SKAP2: variants seen among roughly 807,000 people sequenced by gnomAD.
SKAP2 encodes src kinase associated phosphoprotein 2, also known as src kinase-associated phosphoprotein 2.
SKAP2 carries 28 observed loss-of-function variants against 54.9 expected under a neutral mutation model. The ratio of observed to expected loss-of-function variants is 0.51; its 90% confidence interval spans 0.38 to 0.70. The LOEUF is 0.70. Ranked by LOEUF, SKAP2 falls within the 30% of genes least tolerant of loss-of-function variation. SKAP2 has a pLI of 0.00. For synonymous variants in SKAP2, 137 were observed against 134.3 expected, an observed-to-expected ratio of 1.02 and a Z score of -0.14; for missense variants, 356 against 424.1, an observed-to-expected ratio of 0.84 and a Z score of 1.41.
chr7:26,736,687 G>T (rs890589732), intron 6 of SKAP2, among the ~76,000 whole-genome samples: 9 of 152,038 alleles, frequency 5.9e-5, no homozygotes, highest in African/African-American at 1.9e-4. Context: ...CCTCTCCTGG[G>T]GTCTGGATCA....
At chr7:26,698,916 CTT>C (rs964890306) in intron 9 of SKAP2, among the ~76,000 whole-genome samples, 8 of 152,142 alleles carry the variant, frequency 5.3e-5, no homozygotes, top group African/African-American at 1.7e-4. Context: ...TATTTAAAGA[CTT>C]TTCCAATGAG....
At chr7:26,829,084 T>C (rs1784552195) in intron 4 of SKAP2, among the ~76,000 whole-genome samples, 1 of 152,018 alleles carries the variant, frequency 6.6e-6, no homozygotes, top group Non-Finnish European at 1.5e-5. Flanking sequence ...TAAATTAAAC[T>C]TCGTCAAAAT....
At chr7:26,723,142 TGAAAGA>T (rs1260038015) in intron 9 of SKAP2, among the ~76,000 whole-genome samples, 1 of 152,214 alleles carries the variant, frequency 6.6e-6, no homozygotes, top group Admixed American at 6.5e-5. Flanking sequence ...ATTCTTGTCC[TGAAAGA>T]GAGACAATTG....
chr7:26,658,029 T>C, the SKAP2 span, among the ~76,000 whole-genome samples: 1 of 152,128 alleles, frequency 6.6e-6, no homozygotes, highest in South Asian at 2.1e-4. Flanking sequence ...AAACGGGTAA[T>C]TGTGCTACTG....
At chr7:26,805,171 A>G (rs1280849031) in intron 4 of SKAP2, among the ~76,000 whole-genome samples, 1 of 152,236 alleles carries the variant, frequency 6.6e-6, no homozygotes, top group Non-Finnish European at 1.5e-5. Flanking sequence ...CCTGGGCAAC[A>G]TAGTGACACC....
chr7:26,783,416 C>G (rs1783468774), intron 4 of SKAP2, among the ~76,000 whole-genome samples: 1 of 152,064 alleles, frequency 6.6e-6, no homozygotes, highest in Non-Finnish European at 1.5e-5. Context: ...CTCTGATTAT[C>G]TCTGAACTCT....
At position 26,804,170 on chromosome 7, in the gene SKAP2, G is replaced by A. The variant is rs189065716; in HGVS notation, c.307+39860C>T. Among the ~76,000 whole-genome samples, 474 of 152,220 alleles carry A rather than the reference G, an allele frequency of 3.1e-3. 5 individuals carry two copies. Among genetic ancestry groups the A allele is most frequent in the African/African-American group, 0.011 (438 of 41,534 alleles). On this transcript the variant is annotated intron_variant, in intron 4 of 12. Coordinates refer to ENST00000345317, the MANE Select transcript of SKAP2 (RefSeq NM_003930.5). ...ATGCTTGAGGGGATGGATGGCCCATGCTCCATGATGTGCCTATGTCACACT... is the reference window on the plus strand; with the variant it reads ...ATGCTTGAGGGGATGGATGGCCCATACTCCATGATGTGCCTATGTCACACT...
At chr7:26,778,423 C>G (rs1295524672) in intron 4 of SKAP2, among the ~76,000 whole-genome samples, 2 of 151,988 alleles carry the variant, frequency 1.3e-5, no homozygotes, top group African/African-American at 2.4e-5. Context: ...TACTATGATT[C>G]CGCTAACAAT....
chr7:26,690,272 C>A lies in SKAP2; in HGVS notation c.874+13G>T. On this transcript the variant is annotated intron_variant, in intron 10 of 12. Transcript: ENST00000345317. ...CAAAATAAGGTTTGCCAAGAAGCTACACAAGTCATTACCTGAGGTGTGATG... is the reference window on the plus strand; with the variant it reads ...CAAAATAAGGTTTGCCAAGAAGCTAAACAAGTCATTACCTGAGGTGTGATG... 3 of 1,574,120 alleles carry A rather than the reference C, an allele frequency of 1.9e-6. No individual in the cohort carries two copies. The highest frequency in any genetic ancestry group is 2.6e-6 in the Non-Finnish European group (3 of 1,144,124).
At chr7:26,719,153 C>A (rs1787525206) in intron 9 of SKAP2, among the ~76,000 whole-genome samples, 1 of 151,820 alleles carries the variant, frequency 6.6e-6, no homozygotes, top group African/African-American at 2.4e-5. Context: ...CCAGCCTGGG[C>A]AACAGAGCAA....
At chr7:26,864,325 C>A in intron 1 of SKAP2, 38 bp downstream of exon 1, 2 of 1,613,040 alleles carry the variant, frequency 1.2e-6, no homozygotes, top group Non-Finnish European at 1.7e-6. Context: ...CCCTCGCCCC[C>A]GCCCCGACAG....
intron 9 of SKAP2, among the ~76,000 whole-genome samples, chr7:26,716,543 G>A (rs6951065): frequency 0.82 from 124,217 of 152,182 alleles, 51,301 homozygotes; most frequent in African/African-American, 0.95. Context: ...TTTTAAAAAT[G>A]TCTAATGCAA....
In SKAP2 at chr7:26,668,505, C is replaced by G. The variant is rs984578801; in HGVS notation, c.*1161G>C. ...GCTACCACTGGGATTTCTACACTCT[C>G]CTCTGCAAACCCTTCCTTTCTTTTC... On this transcript the variant is annotated 3_prime_UTR_variant, in exon 13 of 13. Transcript: ENST00000345317. 1.1e-4 allele frequency: 17 copies of G among 152,170 alleles called. No individual in the cohort carries two copies. The highest frequency in any genetic ancestry group is 4.1e-4 in the African/African-American group (17 of 41,426). The allele number at this position is 152,170 out of a possible 1,614,324, so 9.4% of individuals were successfully genotyped here.
At chr7:26,822,595 G>T (rs1214855303) in intron 4 of SKAP2, among the ~76,000 whole-genome samples, 1 of 152,054 alleles carries the variant, frequency 6.6e-6, no homozygotes, top group African/African-American at 2.4e-5. Context: ...CCTACAATGG[G>T]CTGGGCGTGG....
chr7:26,810,454 A>G (rs2127987728), intron 4 of SKAP2, among the ~76,000 whole-genome samples: 1 of 152,354 alleles, frequency 6.6e-6, no homozygotes, highest in East Asian at 1.9e-4. Flanking sequence ...CCAAGGATAC[A>G]AAATTTCAGT....
chr7:26,705,188 A>G (rs1454511378), intron 9 of SKAP2, among the ~76,000 whole-genome samples: 1 of 152,204 alleles, frequency 6.6e-6, no homozygotes, highest in African/African-American at 2.4e-5. Context: ...ATCCCCAAAT[A>G]ACAACTGATT....
chr7:26,787,360 C>T (rs1277139561), intron 4 of SKAP2, among the ~76,000 whole-genome samples: 2 of 151,894 alleles, frequency 1.3e-5, no homozygotes, highest in African/African-American at 4.8e-5. Context: ...TCTTCCTCTG[C>T]CACCTAGGCT....
intron 4 of SKAP2, among the ~76,000 whole-genome samples, chr7:26,800,529 TGAAA>T (rs1783890843): frequency 3.2e-5 from 3 of 94,706 alleles, no homozygotes; most frequent in Non-Finnish European, 5.0e-5. Context: ...TAAATGAAAT[TGAAA>T]TTTTAAAAAA....
chr7:26,752,645 C>A (rs566498550), intron 4 of SKAP2, among the ~76,000 whole-genome samples: 21 of 152,274 alleles, frequency 1.4e-4, no homozygotes, highest in African/African-American at 5.1e-4. Flanking sequence ...GAAGGTAACA[C>A]AACTCTTTTT....
Sources: gnomAD v4.1 joint callset for allele counts (sites outside exome capture counted in the v4.1 genomes callset) on GRCh38, gnomAD v4.1.1 for gene constraint, MANE v1.5 for transcripts, NCBI Gene and HGNC (gene_info 2026-07-23, HGNC 2026-07-21) for gene names.